Variants in PRKAG2 observed in about 807,000 individuals in gnomAD.
PRKAG2 encodes the protein 5'-AMP-activated protein kinase subunit gamma-2.
In PRKAG2, 26 loss-of-function variants were observed where a neutral mutation model predicts 69.6. The ratio of observed to expected loss-of-function variants is 0.37; its 90% CI spans 0.27 to 0.52. The LOEUF (loss-of-function observed/expected upper bound fraction) is 0.52, where lower values mean the gene tolerates loss of function less well. Ranked by LOEUF, PRKAG2 falls within the 20% of genes least tolerant of loss-of-function variation. PRKAG2 has a pLI of 0.90. For synonymous variants in PRKAG2, 293 were observed against 285.0 expected (o/e 1.03, Z -0.28); for missense variants, 557 against 740.0 (o/e 0.75, Z 2.87).
At chr7:151,822,942 G>A (rs2078823338) in intron 1 of PRKAG2, among the ~76,000 whole-genome samples, 1 of 152,220 alleles carries the variant, frequency 6.6e-6, no homozygotes, top group African/African-American at 2.4e-5. Flanking sequence ...TCAGCCTGGG[G>A]AAGCTGAGTG....
At chr7:151,740,418 T>A (rs894812297) in intron 3 of PRKAG2, among the ~76,000 whole-genome samples, 1 of 151,542 alleles carries the variant, frequency 6.6e-6, no homozygotes, top group African/African-American at 2.4e-5. Flanking sequence ...GCCCTGCTGA[T>A]ACGAACCCGA....
At chr7:151,652,081 A>C (rs1828620486) in intron 4 of PRKAG2, among the ~76,000 whole-genome samples, 1 of 152,224 alleles carries the variant, frequency 6.6e-6, no homozygotes, top group Non-Finnish European at 1.5e-5. Context: ...CAGATACGTT[A>C]ATTAGCTCGG....
chr7:151,745,707 T>G (rs1202110467), intron 3 of PRKAG2, among the ~76,000 whole-genome samples: 1 of 152,070 alleles, frequency 6.6e-6, no homozygotes, highest in African/African-American at 2.4e-5. Context: ...AGAGAAGTAC[T>G]AAAAAGGTGA....
At chr7:151,708,946 G>C (rs918225341) in intron 3 of PRKAG2, among the ~76,000 whole-genome samples, 1 of 152,192 alleles carries the variant, frequency 6.6e-6, no homozygotes, top group South Asian at 2.1e-4. Flanking sequence ...GAGCCCAGCA[G>C]ACCAGCTACC....
chr7:151,605,204 A>G (rs1326845471), intron 5 of PRKAG2, among the ~76,000 whole-genome samples: 1 of 151,362 alleles, frequency 6.6e-6, no homozygotes, highest in Non-Finnish European at 1.5e-5. Flanking sequence ...TTTAGTAGAG[A>G]CGGGGTTTCA....
intron 5 of PRKAG2, among the ~76,000 whole-genome samples, chr7:151,627,305 A>G (rs1823221381): frequency 6.6e-6 from 1 of 152,084 alleles, no homozygotes; most frequent in African/African-American, 2.4e-5. Flanking sequence ...TGATCACTGT[A>G]GGTGAGGCTG....
At chr7:151,557,701 C>T (rs974158267) in intron 15 of PRKAG2, 1 of 498,290 alleles carries the variant, frequency 2.0e-6, no homozygotes, top group Admixed American at 6.4e-5. Context: ...GAAACCCTGT[C>T]TCTACTAAAA....
intron 3 of PRKAG2, among the ~76,000 whole-genome samples, chr7:151,709,671 ATG>A (rs1839237794): frequency 6.6e-6 from 1 of 152,152 alleles, no homozygotes; most frequent in Non-Finnish European, 1.5e-5. Flanking sequence ...TGAATGACAC[ATG>A]TGACATTGTG....
intron 3 of PRKAG2, among the ~76,000 whole-genome samples, chr7:151,712,145 A>T (rs529464554): frequency 1.3e-5 from 2 of 152,190 alleles, no homozygotes; most frequent in African/African-American, 4.8e-5. Flanking sequence ...GTGGTGTAAC[A>T]TGACTGGGCG....
At chr7:151,857,767 C>A (rs1186718721) in intron 1 of PRKAG2, among the ~76,000 whole-genome samples, 2 of 152,252 alleles carry the variant, frequency 1.3e-5, no homozygotes, top group African/African-American at 4.8e-5. Context: ...CTCTTCTTTT[C>A]CCTTCAGGTC....
At chr7:151,577,206 A>G (rs1325941513) in intron 6 of PRKAG2, among the ~76,000 whole-genome samples, 4 of 151,464 alleles carry the variant, frequency 2.6e-5, no homozygotes, top group African/African-American at 7.3e-5. Context: ...AAGGTTGAGG[A>G]AAAAAAAAGG....
At chr7:151,717,582 C>A (rs117116870) in intron 3 of PRKAG2, among the ~76,000 whole-genome samples, 1,966 of 152,322 alleles carry the variant, frequency 0.013, 25 homozygotes, top group Non-Finnish European at 0.019. Flanking sequence ...CCCAGACTCA[C>A]CGGCTGGTAC....
At chr7:151,619,876 C>T (rs1174594534) in intron 5 of PRKAG2, among the ~76,000 whole-genome samples, 1 of 152,044 alleles carries the variant, frequency 6.6e-6, no homozygotes, top group Non-Finnish European at 1.5e-5. Context: ...CAAAAATTAG[C>T]TGGGCATGGT....
intron 15 of PRKAG2, chr7:151,560,022 T>C (rs563772131): frequency 3.0e-6 from 3 of 985,410 alleles, no homozygotes; most frequent in South Asian, 4.7e-5. Flanking sequence ...TGTCAAAAAA[T>C]GAGTTTAACC....
chr7:151,771,655 T>C lies in PRKAG2; in HGVS notation c.466+9497A>G, dbSNP rs925967188. On this transcript the variant is annotated intron_variant, in intron 3 of 15. Transcript: ENST00000287878. This position sits in a 1 kb window ranked among gnomAD's most constrained non-coding sequence, Gnocchi z 4.0. ...CGCTTCACTGGTTTGTAAATATCTT[T>C]GTACATTAGGGATATTAGTCCTCCA... Among the ~76,000 whole-genome samples the C allele has an allele frequency of 6.6e-6, 1 of 152,248 alleles. No homozygotes were observed. Among genetic ancestry groups the C allele is most frequent in the African/African-American group, 2.4e-5 (1 of 41,454 alleles).
chr7:151,628,683 G>T (rs1420383242), intron 5 of PRKAG2, among the ~76,000 whole-genome samples: 1 of 144,248 alleles, frequency 6.9e-6, no homozygotes, highest in African/African-American at 2.5e-5. Flanking sequence ...TTCACCCCAG[G>T]TAAGAGTGAG....
At chr7:151,857,342 G>A (rs1293963995) in intron 1 of PRKAG2, among the ~76,000 whole-genome samples, 1 of 148,606 alleles carries the variant, frequency 6.7e-6, no homozygotes, top group African/African-American at 2.5e-5. Context: ...CCGATGCCCA[G>A]GTCCGCCTGT....
intron 3 of PRKAG2, among the ~76,000 whole-genome samples, chr7:151,728,706 C>T (rs1205780850): frequency 6.6e-6 from 1 of 152,178 alleles, no homozygotes; most frequent in Admixed American, 6.5e-5. Flanking sequence ...GCTGGGAACC[C>T]GGGCTCTCCA....
rs915011196 is a variant in PRKAG2 at position 151,597,826 on chromosome 7, C to CA, written c.755-2373_755-2372insT. Among the ~76,000 whole-genome samples the CA allele has an allele frequency of 2.9e-4, 44 of 149,180 alleles. 1 individual carries two copies. The highest frequency in any genetic ancestry group is 4.5e-4 in the Non-Finnish European group (30 of 67,098). On this transcript the variant is annotated intron_variant, in intron 5 of 15. Transcript: ENST00000287878. ...AGGATGTGGACAAAAGGGAGCCCCC[C>CA]CCCCCGCTCTTTTATTGAACTATTG...
Sources: gnomAD v4.1 joint callset for allele counts (sites outside exome capture counted in the v4.1 genomes callset) on GRCh38, gnomAD v4.1.1 for gene constraint, Gnocchi (gnomAD v3.1) non-coding constraint, MANE v1.5 for transcripts, NCBI Gene and HGNC (gene_info 2026-07-23, HGNC 2026-07-21) for gene names.